COMMD10: variants seen among roughly 807,000 people sequenced by gnomAD.
COMMD10 encodes COMM domain-containing protein 10.
In COMMD10, 33 loss-of-function variants were observed where a neutral mutation model predicts 28.9. The observed-to-expected ratio is 1.14, with a 90% CI of 0.87 to 1.53. The LOEUF (loss-of-function observed/expected upper bound fraction) is 1.53, where lower values mean the gene tolerates loss of function less well. Ranked by LOEUF, COMMD10 falls within the 40% of genes most tolerant of loss-of-function variation. The pLI, the probability that COMMD10 is intolerant of heterozygous loss-of-function variation, is 0.00. For synonymous variants in COMMD10, 110 were observed against 81.7 expected, an observed-to-expected ratio of 1.35 and a Z score of -1.87; for missense variants, 310 against 233.4, an observed-to-expected ratio of 1.33 and a Z score of -2.14.
chr5:116,193,302 G>A (rs963260163), intron 5 of COMMD10, among the ~76,000 whole-genome samples: 1 of 152,168 alleles, frequency 6.6e-6, no homozygotes, highest in African/African-American at 2.4e-5. Flanking sequence ...GATGAATGCA[G>A]TGGTACCTCA....
intron 4 of COMMD10, among the ~76,000 whole-genome samples, chr5:116,127,037 G>T (rs1191461452): frequency 3.3e-5 from 5 of 152,138 alleles, no homozygotes; most frequent in African/African-American, 1.2e-4. Context: ...CTGACAAAGG[G>T]CTAATATCCA....
At chr5:116,215,822 G>A (rs935115735) in intron 5 of COMMD10, among the ~76,000 whole-genome samples, 2 of 148,360 alleles carry the variant, frequency 1.3e-5, no homozygotes, top group Non-Finnish European at 3.0e-5. Flanking sequence ...AATATGTTCT[G>A]TTTACTTGTA....
At position 116,207,893 on chromosome 5, in the gene COMMD10, T is replaced by G. The variant is rs1321320434; in HGVS notation, c.510+73715T>G. Among the ~76,000 whole-genome samples, 12 of 152,308 alleles carry G rather than the reference T, an allele frequency of 7.9e-5. No homozygotes were observed. The East Asian group carries it at 2.3e-3, about 29-fold the overall frequency. On this transcript the variant is annotated intron_variant, in intron 5 of 6. Coordinates refer to ENST00000274458, the MANE Select transcript of COMMD10 (RefSeq NM_016144.4). ...CCCATTCTTTCTTTTGGCTGTTATT[T>G]AATGAGAGACTACTATGGGTAGGAC...
At chr5:116,198,498 T>C (rs1748585977) in intron 5 of COMMD10, among the ~76,000 whole-genome samples, 1 of 152,184 alleles carries the variant, frequency 6.6e-6, no homozygotes, top group Non-Finnish European at 1.5e-5. Context: ...AGTGATATGT[T>C]TGTCACAATA....
chr5:116,275,055 A>G lies in COMMD10; in HGVS notation c.511-16462A>G, dbSNP rs563245579. Among the ~76,000 whole-genome samples, 5 of 151,834 alleles carry G rather than the reference A, an allele frequency of 3.3e-5. No homozygotes were observed. In the East Asian group the frequency reaches 9.7e-4, roughly 29 times the overall value. ...TCCCAACCTCTATTTCATCCCCAAG[A>G]TTACTTCCCTCAACCCCCATTCTAT... On this transcript the variant is annotated intron_variant, in intron 5 of 6. Transcript: ENST00000274458.
At chr5:116,112,741 A>T (rs1275733804) in intron 4 of COMMD10, among the ~76,000 whole-genome samples, 1 of 152,104 alleles carries the variant, frequency 6.6e-6, no homozygotes, top group Non-Finnish European at 1.5e-5. Context: ...ATTTTTTAGT[A>T]GGACATTTAA....
chr5:116,192,085 A>T (rs999452351), intron 5 of COMMD10, among the ~76,000 whole-genome samples: 1 of 152,080 alleles, frequency 6.6e-6, no homozygotes, highest in East Asian at 1.9e-4. Context: ...CAGTAATCAC[A>T]GGAAGCCACG....
intron 4 of COMMD10, among the ~76,000 whole-genome samples, chr5:116,102,480 CAG>C (rs1328390066): frequency 6.6e-6 from 1 of 152,116 alleles, no homozygotes; most frequent in Non-Finnish European, 1.5e-5. Flanking sequence ...AATTTGAAGT[CAG>C]AGAGTGTAAG....
intron 5 of COMMD10, among the ~76,000 whole-genome samples, chr5:116,209,411 T>C (rs1258770288): frequency 6.6e-6 from 1 of 152,180 alleles, no homozygotes; most frequent in African/African-American, 2.4e-5. Flanking sequence ...GATTTCAAAA[T>C]AGTGTTTCTT....
intron 5 of COMMD10, among the ~76,000 whole-genome samples, chr5:116,256,681 G>T (rs1477981354): frequency 2.0e-5 from 3 of 151,686 alleles, no homozygotes; most frequent in African/African-American, 7.3e-5. Context: ...GAGATATGTT[G>T]GGATGGGACC....
intron 5 of COMMD10, among the ~76,000 whole-genome samples, chr5:116,274,080 A>G (rs1354241410): frequency 6.6e-6 from 1 of 151,696 alleles, no homozygotes; most frequent in Non-Finnish European, 1.5e-5. Flanking sequence ...CTTTCCTATA[A>G]AACAGCAATA....
chr5:116,257,769 A>G (rs1467824085), intron 5 of COMMD10, among the ~76,000 whole-genome samples: 1 of 151,830 alleles, frequency 6.6e-6, no homozygotes, highest in East Asian at 1.9e-4. Flanking sequence ...ATGAATTTTA[A>G]TTGAAACATA....
intron 5 of COMMD10, among the ~76,000 whole-genome samples, chr5:116,242,382 A>G (rs748676781): frequency 1.1e-4 from 17 of 152,170 alleles, no homozygotes; most frequent in Non-Finnish European, 2.2e-4. Flanking sequence ...AGTCACTTTA[A>G]CACATGTTTA....
At position 116,200,020 on chromosome 5, in the gene COMMD10, G is replaced by A. The variant is rs143738192; in HGVS notation, c.510+65842G>A. On this transcript the variant is annotated intron_variant, in intron 5 of 6. Transcript: ENST00000274458. ...TACATACTAGGTGTATATATTAATG[G>A]GGTACTTGTGATGTTTTGATACAGG... is the stretch of plus-strand genomic sequence containing the variant. Among the ~76,000 whole-genome samples, 446 of 152,048 alleles carry A rather than the reference G, an allele frequency of 2.9e-3. 13 individuals are homozygous for A. Among genetic ancestry groups the A allele is most frequent in the Admixed American group, 0.026 (404 of 15,258 alleles).
At position 116,124,078 on chromosome 5, in the gene COMMD10, C is replaced by T. The variant is rs565059694; in HGVS notation, c.400-9990C>T. Among the ~76,000 whole-genome samples, 4 of 152,086 alleles carry T rather than the reference C, an allele frequency of 2.6e-5. No homozygotes were observed. The South Asian group carries it at 8.3e-4, about 32-fold the overall frequency. Reference sequence around the variant, plus strand: ...TCTGTCTCTGTCTCCTTCAGTTTTGCTCTGATCTTAGTTATTTCTTGCCTT... The same window carrying T: ...TCTGTCTCTGTCTCCTTCAGTTTTGTTCTGATCTTAGTTATTTCTTGCCTT... On this transcript the variant is annotated intron_variant, in intron 4 of 6. Transcript: ENST00000274458.
rs1451727051 is a variant in COMMD10, at chr5:116,161,969, C to T, written c.510+27791C>T. Among the ~76,000 whole-genome samples, 3 of 152,052 alleles carry T rather than the reference C, an allele frequency of 2.0e-5. No individual in the cohort carries two copies. In the East Asian group the frequency reaches 5.8e-4, roughly 29 times the overall value. On this transcript the variant is annotated intron_variant, in intron 5 of 6. Transcript: ENST00000274458. The stretch of plus-strand genomic sequence containing the variant: ...GCATGGTCTTTTTTAAAATGAGAAA[C>T]CAGAAGTTTTTCTCCCTCATGTTAA...
At chr5:116,249,923 C>G (rs778228197) in intron 5 of COMMD10, among the ~76,000 whole-genome samples, 22 of 152,006 alleles carry the variant, frequency 1.4e-4, no homozygotes, top group Non-Finnish European at 3.2e-4. Flanking sequence ...TCACATAAGT[C>G]ACTTAACAAT....
In COMMD10 at chr5:116,219,188, G is replaced by C. The variant is rs1053352130; in HGVS notation, c.511-72329G>C. Among the ~76,000 whole-genome samples, 7 of 152,098 alleles carry C rather than the reference G, an allele frequency of 4.6e-5. No individual in the cohort carries two copies. The East Asian group carries it at 1.4e-3, about 29-fold the overall frequency. ...CAGAACTGAAAGTCTGGAGGCTGTTGTTGAAAATCTGGAGGCTATTGTTGG... is the reference window on the plus strand; with the variant it reads ...CAGAACTGAAAGTCTGGAGGCTGTTCTTGAAAATCTGGAGGCTATTGTTGG... On this transcript the variant is annotated intron_variant, in intron 5 of 6. Transcript: ENST00000274458.
At chr5:116,278,110 A>G (rs1476181252) in intron 5 of COMMD10, among the ~76,000 whole-genome samples, 1 of 151,814 alleles carries the variant, frequency 6.6e-6, no homozygotes, top group Non-Finnish European at 1.5e-5. Flanking sequence ...ATTACAAATG[A>G]TGTTTCAGTC....
Sources: allele counts gnomAD v4.1 joint callset (sites outside exome capture counted in the v4.1 genomes callset), GRCh38; gene constraint gnomAD v4.1.1; transcripts MANE v1.5; gene names NCBI Gene and HGNC (gene_info 2026-07-23, HGNC 2026-07-21).